The following PCDHA5 variants were observed in gnomAD, a reference collection of about 807,000 sequenced individuals.
PCDHA5 encodes protocadherin alpha 5, also known as protocadherin alpha-5.
A neutral mutation model predicts 61.6 loss-of-function variants in PCDHA5; 43 were observed. The observed-to-expected ratio is 0.70, with a 90% confidence interval of 0.55 to 0.90. The LOEUF is 0.90. Among genes scored for constraint, PCDHA5 ranks in the 40% least tolerant of loss-of-function variants. The probability of loss-of-function intolerance (pLI) is 0.00; values close to 1 mark genes in which losing one functional copy is unlikely to be tolerated. For synonymous variants in PCDHA5, 627 were observed against 543.9 expected, an observed-to-expected ratio of 1.15 and a Z score of -2.13; for missense variants, 1,298 against 1,222.7, an observed-to-expected ratio of 1.06 and a Z score of -0.92.
At chr5:140,829,839 G>C (rs2150175882) in intron 1 of PCDHA5, 1 of 1,613,930 alleles carries the variant, frequency 6.2e-7, no homozygotes, top group Non-Finnish European at 8.5e-7. Context: ...CTGGTGCCGC[G>C]GTCACTGGGT....
chr5:140,842,467 C>T (rs1554139064), intron 1 of PCDHA5: 3 of 1,613,802 alleles, frequency 1.9e-6, no homozygotes, highest in East Asian at 2.2e-5. Context: ...CAGGTGCCAA[C>T]GGGCAGGTGA....
intron 1 of PCDHA5, chr5:140,884,562 A>C (rs782650365): frequency 6.2e-7 from 1 of 1,614,166 alleles, no homozygotes; most frequent in Non-Finnish European, 8.5e-7. Flanking sequence ...GAGGGCCCGC[A>C]TAAGACGGAC....
At chr5:140,861,589 T>C in intron 1 of PCDHA5, 2 of 373,158 alleles carry the variant, frequency 5.4e-6, no homozygotes, top group South Asian at 4.9e-5. Context: ...CATGTGGAGG[T>C]GAAAGTGAAG....
chr5:140,835,312 T>C (rs1231514628), intron 1 of PCDHA5: 1 of 1,613,246 alleles, frequency 6.2e-7, no homozygotes, highest in Non-Finnish European at 8.5e-7. Context: ...CATATGGATT[T>C]TGAAGAAAGT....
intron 1 of PCDHA5, among the ~76,000 whole-genome samples, chr5:140,826,318 TG>T (rs201431097): frequency 0.015 from 2,328 of 152,304 alleles, 62 homozygotes; most frequent in African/African-American, 0.052. Flanking sequence ...TTTTGGGGAT[TG>T]TTTTTGGTTA....
intron 1 of PCDHA5, chr5:140,842,120 T>A: frequency 6.2e-7 from 1 of 1,613,882 alleles, no homozygotes; most frequent in Non-Finnish European, 8.5e-7. Context: ...ACTGAATGCT[T>A]CTGATCCGGA....
At chr5:140,882,699 A>C in intron 1 of PCDHA5, 3 of 1,614,184 alleles carry the variant, frequency 1.9e-6, no homozygotes, top group South Asian at 1.1e-5. Context: ...ATCATTGCAG[A>C]ATCTAGACCT....
chr5:140,985,955 G>A (rs1284756138), intron 3 of PCDHA5, among the ~76,000 whole-genome samples: 1 of 151,674 alleles, frequency 6.6e-6, no homozygotes, highest in Non-Finnish European at 1.5e-5. Flanking sequence ...TAGCCAGGAT[G>A]GTCTCAATCT....
At chr5:140,841,587 G>C in intron 1 of PCDHA5, 1 of 1,614,074 alleles carries the variant, frequency 6.2e-7, no homozygotes, top group Non-Finnish European at 8.5e-7. Context: ...GTGAATTCTC[G>C]GATCGACCGC....
chr5:140,855,868 A>C, intron 1 of PCDHA5: 1 of 837,366 alleles, frequency 1.2e-6, no homozygotes, highest in Non-Finnish European at 1.8e-6. Flanking sequence ...GCTGTCGTCC[A>C]CAAAATAGCT....
Position 140,823,948 on chromosome 5 carries a change from C to T in PCDHA5, c.2173C>T (p.Gln725Ter). The stretch of plus-strand genomic sequence containing the variant: ...GTACACCGCGCTGCGGTGCTCGGCG[C>T]AGCCCACCGAGGCCGTGTGCACACG... ...LLYTALRCSA[Q>*]PTEAVCTRGK... Residue 725 changes from glutamine (Q) to a stop codon, truncating the protein, a stop_gained, in exon 1 of 4, where the codon CAG (glutamine) becomes TAG (stop). Transcript: ENST00000529859. LOFTEE classifies it high-confidence loss of function. 1.2e-6 allele frequency: 2 copies of T among 1,613,984 alleles called. No homozygotes were observed. Among genetic ancestry groups the T allele is most frequent in the Non-Finnish European group, 8.5e-7 (1 of 1,179,984 alleles).
chr5:140,886,189 G>A (rs2060889525), intron 1 of PCDHA5, among the ~76,000 whole-genome samples: 1 of 152,090 alleles, frequency 6.6e-6, no homozygotes. Context: ...ATGCTGGCAA[G>A]CAGTAATCTG....
intron 1 of PCDHA5, chr5:140,928,753 G>A (rs782483181): frequency 1.2e-6 from 2 of 1,614,142 alleles, no homozygotes; most frequent in Non-Finnish European, 8.5e-7. Flanking sequence ...GCTCCGTACT[G>A]CTCGCTTAGT....
In PCDHA5 at chr5:140,883,112, A is replaced by G. The variant is rs141106500; in HGVS notation, c.2352+58985A>G. 408 of 1,614,156 alleles carry G rather than the reference A, an allele frequency of 2.5e-4. 3 individuals are homozygous for G. In the African/African-American group the frequency reaches 5.1e-3, roughly 20 times the overall value. ...AAATGGAGATATAGTTTACTCATTTAGAAGGCCTGTATGGCCTGCAGTGGT... is the reference window on the plus strand; with the variant it reads ...AAATGGAGATATAGTTTACTCATTTGGAAGGCCTGTATGGCCTGCAGTGGT... On this transcript the variant is annotated intron_variant, in intron 1 of 3. Coordinates refer to ENST00000529859, the MANE Select transcript of PCDHA5 (RefSeq NM_018908.3).
rs782733393 is a variant in PCDHA5 at position 140,875,889 on chromosome 5, G to T, written c.2352+51762G>T. The T allele has an allele frequency of 4.8e-5, 78 of 1,614,056 alleles. No homozygotes were observed. The highest frequency in any genetic ancestry group is 5.8e-5 in the Non-Finnish European group (69 of 1,180,042). On this transcript the variant is annotated intron_variant, in intron 1 of 3. Coordinates refer to ENST00000529859, the MANE Select transcript of PCDHA5 (RefSeq NM_018908.3). ...CGGTGTTCAGAGAAAGGGAACAAAA[G>T]GTACCTGTTTCTGAATCTGCGCCTC...
At chr5:140,830,160 A>T in intron 1 of PCDHA5, 1 of 1,613,422 alleles carries the variant, frequency 6.2e-7, no homozygotes, top group Non-Finnish European at 8.5e-7. Context: ...GCGGGCCCAG[A>T]GGCGGCGCTG....
rs2150125065 is a variant in PCDHA5 at position 140,823,365 on chromosome 5, G to A, written c.1590G>A (p.Leu530=). 2.5e-6 allele frequency: 4 copies of A among 1,612,764 alleles called. No homozygotes were observed. The highest frequency in any genetic ancestry group is 2.2e-5 in the East Asian group (1 of 44,846). The change falls in exon 1 of 4, where the codon CTG becomes CTA. Residue 530 remains leucine (L), a synonymous_variant. Coordinates refer to ENST00000529859, the MANE Select transcript of PCDHA5 (RefSeq NM_018908.3). The stretch of plus-strand genomic sequence containing the variant: ...TGGACCACGAGGAAGTGGAGCTGCT[G>A]CAGTTCCAGGTGAGCGCGCGCGACG... ...QPLDHEEVEL[L]QFQVSARDAG...
At chr5:140,861,758 T>C (rs1469300232) in intron 1 of PCDHA5, 1 of 93,472 alleles carries the variant, frequency 1.1e-5, no homozygotes, top group African/African-American at 4.7e-5. Context: ...TGATTATTTT[T>C]CCCTGGAAAT....
intron 1 of PCDHA5, chr5:140,927,988 G>A (rs782075633): frequency 6.2e-6 from 10 of 1,614,200 alleles, no homozygotes; most frequent in South Asian, 1.1e-5. Flanking sequence ...TAGTGTAAAG[G>A]ATGAAGACCT....
Sources: gnomAD v4.1 joint callset for allele counts (sites outside exome capture counted in the v4.1 genomes callset) on GRCh38, gnomAD v4.1.1 for gene constraint, MANE v1.5 for transcripts, NCBI Gene and HGNC (gene_info 2026-07-23, HGNC 2026-07-21) for gene names.